Variants in KCNMB2 observed in about 807,000 individuals in gnomAD.
KCNMB2 encodes calcium-activated potassium channel subunit beta-2.
A neutral mutation model predicts 24.5 loss-of-function variants in KCNMB2; 9 were observed. That is an observed-to-expected ratio of 0.37 (90% CI 0.22 to 0.64). The LOEUF is 0.64. KCNMB2 is among the 30% of genes least tolerant of loss of function. The pLI is 0.63. For missense variants in KCNMB2, 226 were observed against 284.3 expected (o/e 0.79, Z 1.47); for synonymous variants, 109 against 104.4 (o/e 1.04, Z -0.27).
intron 1 of KCNMB2, among the ~76,000 whole-genome samples, chr3:178,723,484 CTGTTTT>C (rs1347392319): frequency 2.6e-5 from 4 of 152,186 alleles, no homozygotes; most frequent in African/African-American, 9.6e-5. Flanking sequence ...AATATCTTTC[CTGTTTT>C]TATTTTTTAT....
chr3:178,751,573 C>CAAAAAAA (rs61148761), intron 1 of KCNMB2, among the ~76,000 whole-genome samples: 19 of 47,718 alleles, frequency 4.0e-4, no homozygotes, highest in East Asian at 2.0e-3. Context: ...GACTCCGTCT[C>CAAAAAAA]AAAAAAAAAA....
intron 1 of KCNMB2, among the ~76,000 whole-genome samples, chr3:178,575,712 A>G (rs546876732): frequency 6.6e-6 from 1 of 152,272 alleles, no homozygotes; most frequent in East Asian, 1.9e-4. Flanking sequence ...CACCAATCTC[A>G]CTTTTTAGAA....
At chr3:178,694,636 C>G (rs1209555630) in intron 1 of KCNMB2, among the ~76,000 whole-genome samples, 1 of 152,228 alleles carries the variant, frequency 6.6e-6, no homozygotes, top group African/African-American at 2.4e-5. Context: ...AGGCCCCATG[C>G]AATTCTGAAA....
chr3:178,611,901 C>G (rs745607026), intron 1 of KCNMB2, among the ~76,000 whole-genome samples: 5 of 152,012 alleles, frequency 3.3e-5, no homozygotes, highest in Non-Finnish European at 7.4e-5. Flanking sequence ...CTATAAACTT[C>G]CCTCTTAGTA....
intron 1 of KCNMB2, among the ~76,000 whole-genome samples, chr3:178,721,009 T>C (rs1722785990): frequency 6.6e-6 from 1 of 151,710 alleles, no homozygotes; most frequent in African/African-American, 2.4e-5. Context: ...TTGGCTTTTG[T>C]TGCCATTGCT....
At chr3:178,548,075 T>G (rs1279253290) in intron 1 of KCNMB2, among the ~76,000 whole-genome samples, 1 of 152,166 alleles carries the variant, frequency 6.6e-6, no homozygotes, top group Non-Finnish European at 1.5e-5. Flanking sequence ...TAAAGTCCCT[T>G]TATTGGAACA....
intron 1 of KCNMB2, among the ~76,000 whole-genome samples, chr3:178,760,124 CTA>C (rs1212044113): frequency 0.023 from 256 of 11,020 alleles, 47 homozygotes; most frequent in Middle Eastern, 0.2. Context: ...GAGGATATAT[CTA>C]TATATATATA....
At chr3:178,631,936 C>T (rs181463697) in intron 1 of KCNMB2, among the ~76,000 whole-genome samples, 21 of 152,288 alleles carry the variant, frequency 1.4e-4, no homozygotes, top group Middle Eastern at 3.4e-3. Context: ...GGTTTCCAGC[C>T]TTACTAGAAA....
intron 1 of KCNMB2, among the ~76,000 whole-genome samples, chr3:178,655,865 C>CTCA (rs1720323593): frequency 1.3e-5 from 2 of 152,308 alleles, no homozygotes; most frequent in South Asian, 4.1e-4. Context: ...TTCACAACCT[C>CTCA]TCATCAGAAT....
intron 1 of KCNMB2, among the ~76,000 whole-genome samples, chr3:178,677,205 C>T (rs951925870): frequency 6.6e-6 from 1 of 152,190 alleles, no homozygotes; most frequent in Non-Finnish European, 1.5e-5. Context: ...GAACATCAAA[C>T]TCCCCACGCT....
chr3:178,830,435 T>C (rs1000585465), intron 4 of KCNMB2, among the ~76,000 whole-genome samples: 1 of 152,192 alleles, frequency 6.6e-6, no homozygotes, highest in African/African-American at 2.4e-5. Flanking sequence ...TATATGTCTC[T>C]GGTGCACAAG....
chr3:178,604,005 C>A (rs1308872754), intron 1 of KCNMB2, among the ~76,000 whole-genome samples: 2 of 152,064 alleles, frequency 1.3e-5, no homozygotes, highest in Non-Finnish European at 2.9e-5. Context: ...CAGCCGTTTC[C>A]CAGAGACACA....
At position 178,570,426 on chromosome 3, in the gene KCNMB2, C is replaced by T. The variant is rs74284624; in HGVS notation, c.-68+33715C>T. Among the ~76,000 whole-genome samples, 491 of 151,636 alleles carry T rather than the reference C, an allele frequency of 3.2e-3. 19 individuals carry two copies. The East Asian group carries it at 0.076, about 23-fold the overall frequency. On this transcript the variant is annotated intron_variant, in intron 1 of 4. Transcript: ENST00000452583. Reference sequence around the variant, plus strand: ...TATTTCAAGAAGACTAGAAACTTACCTCATTAAAATGAACCCAACTGCAAT... The same window carrying T: ...TATTTCAAGAAGACTAGAAACTTACTTCATTAAAATGAACCCAACTGCAAT...
At chr3:178,683,321 G>T (rs1165130069) in intron 1 of KCNMB2, among the ~76,000 whole-genome samples, 1 of 151,504 alleles carries the variant, frequency 6.6e-6, no homozygotes, top group Non-Finnish European at 1.5e-5. Flanking sequence ...GGGACTACTA[G>T]ATGGCACAGA....
intron 1 of KCNMB2, among the ~76,000 whole-genome samples, chr3:178,579,050 C>T (rs558034881): frequency 2.6e-5 from 4 of 152,200 alleles, no homozygotes; most frequent in Non-Finnish European, 1.5e-5. Context: ...GAACTCTCCA[C>T]CCCAAATCAA....
At chr3:178,566,571 T>C (rs1205453587) in intron 1 of KCNMB2, among the ~76,000 whole-genome samples, 1 of 136,548 alleles carries the variant, frequency 7.3e-6, no homozygotes, top group Non-Finnish European at 1.5e-5. Context: ...AGCCATTACA[T>C]CCTGTCTCCT....
intron 1 of KCNMB2, among the ~76,000 whole-genome samples, chr3:178,694,715 G>A (rs923085144): frequency 1.3e-5 from 2 of 152,214 alleles, no homozygotes; most frequent in African/African-American, 2.4e-5. Flanking sequence ...TCAAATCCAT[G>A]TAATGCTGAT....
At chr3:178,663,798 A>C (rs1401928891) in intron 1 of KCNMB2, among the ~76,000 whole-genome samples, 2 of 152,108 alleles carry the variant, frequency 1.3e-5, no homozygotes, top group African/African-American at 4.8e-5. Context: ...CTTTCCCTAT[A>C]GGCATCTGGA....
intron 1 of KCNMB2, among the ~76,000 whole-genome samples, chr3:178,768,053 C>G (rs984886771): frequency 2.0e-5 from 3 of 152,046 alleles, no homozygotes; most frequent in Non-Finnish European, 2.9e-5. Context: ...TATCTTCCCC[C>G]ACTACCTACT....
Sources: gnomAD v4.1 joint callset for allele counts (sites outside exome capture counted in the v4.1 genomes callset) on GRCh38, gnomAD v4.1.1 for gene constraint, MANE v1.5 for transcripts, NCBI Gene and HGNC (gene_info 2026-07-23, HGNC 2026-07-21) for gene names.